ROBO2: variants seen among roughly 807,000 people sequenced by gnomAD.
ROBO2 encodes roundabout guidance receptor 2.
Under a neutral mutation model 160.8 loss-of-function variants are expected in ROBO2, and 53 were observed. The ratio of observed to expected loss-of-function variants is 0.33; its 90% CI spans 0.26 to 0.41. The LOEUF is 0.41. Ranked by LOEUF, ROBO2 falls within the 10% of genes least tolerant of loss-of-function variation. ROBO2 has a pLI of 1.00. For synonymous variants in ROBO2, 664 were observed against 611.7 expected (o/e 1.09, Z -1.26); for missense variants, 1,577 against 1,722.4 (o/e 0.92, Z 1.49).
rs148801882 is a variant in ROBO2, at chr3:76,390,008, G to T, written c.109+452406G>T. ...CTAGAGCTCAAATGTCCCGTGTGAGGTTAGCAAATTTCTGCCAATTGCCAT... is the reference window on the plus strand; with the variant it reads ...CTAGAGCTCAAATGTCCCGTGTGAGTTTAGCAAATTTCTGCCAATTGCCAT... On this transcript the variant is annotated intron_variant, in intron 2 of 26. Coordinates refer to the ROBO2 transcript ENST00000487694. Among the ~76,000 whole-genome samples the T allele has an allele frequency of 2.2e-3, 338 of 152,254 alleles. 1 individual carries two copies. The highest frequency in any genetic ancestry group is 7.9e-3 in the African/African-American group (328 of 41,552).
chr3:77,420,286 T>C (rs2077599003), intron 2 of ROBO2, among the ~76,000 whole-genome samples: 1 of 152,096 alleles, frequency 6.6e-6, no homozygotes, highest in Non-Finnish European at 1.5e-5. Context: ...ATAAATATGT[T>C]TGGAAAAGCC....
chr3:77,369,221 C>T (rs1418467175), intron 2 of ROBO2, among the ~76,000 whole-genome samples: 1 of 152,124 alleles, frequency 6.6e-6, no homozygotes, highest in Non-Finnish European at 1.5e-5. Context: ...CCATCCTGTT[C>T]TTGAACAACC....
At chr3:77,590,436 G>A (rs1385082664) in intron 17 of ROBO2, among the ~76,000 whole-genome samples, 1 of 152,128 alleles carries the variant, frequency 6.6e-6, no homozygotes, top group African/African-American at 2.4e-5. Flanking sequence ...TTCTTGTTAT[G>A]CAGTCCGGTT....
At chr3:76,324,588 G>T (rs1335961228) in intron 2 of ROBO2, among the ~76,000 whole-genome samples, 1 of 152,174 alleles carries the variant, frequency 6.6e-6, no homozygotes, top group Non-Finnish European at 1.5e-5. Flanking sequence ...AATCTGTGTT[G>T]TGTGTAGATT....
intron 2 of ROBO2, among the ~76,000 whole-genome samples, chr3:76,853,643 T>C (rs2069668017): frequency 6.6e-6 from 1 of 152,114 alleles, no homozygotes; most frequent in Non-Finnish European, 1.5e-5. Flanking sequence ...TTTTAAAATA[T>C]AGATGAAGTG....
intron 2 of ROBO2, among the ~76,000 whole-genome samples, chr3:76,639,072 G>A (rs2090492472): frequency 6.6e-6 from 1 of 151,932 alleles, no homozygotes. Context: ...AAAGCCTGAA[G>A]CACTAGTTTA....
intron 17 of ROBO2, among the ~76,000 whole-genome samples, chr3:77,592,880 G>A (rs1367720717): frequency 6.6e-6 from 1 of 152,058 alleles, no homozygotes; most frequent in Admixed American, 6.6e-5. Flanking sequence ...AGGGTTTTCA[G>A]TGTTCTATTA....
At chr3:76,141,177 A>ATATATATATATATATATATG (rs1352311949) in intron 2 of ROBO2, among the ~76,000 whole-genome samples, 9 of 103,224 alleles carry the variant, frequency 8.7e-5, no homozygotes, top group African/African-American at 3.3e-4. Flanking sequence ...ATATATATAT[A>ATATATATATATATATATATG]TATATATATA....
rs776741590 is a variant in ROBO2, at chr3:77,563,159, C to T, written c.1520-8C>T. On this transcript the variant is annotated splice_polypyrimidine_tract_variant and splice_region_variant and intron_variant, in intron 10 of 25. Transcript: ENST00000461745. The stretch of plus-strand genomic sequence containing the variant: ...AGGAATGAAGTTTTTTCTGTCTGTC[C>T]TCTATAGAGTCTGGAGCAACAATCA... The T allele has an allele frequency of 5.0e-6, 8 of 1,612,748 alleles. No individual in the cohort carries two copies. The highest frequency in any genetic ancestry group is 2.2e-5 in the East Asian group (1 of 44,788).
chr3:75,995,018 A>T (rs1156744444), intron 2 of ROBO2, among the ~76,000 whole-genome samples: 1 of 152,214 alleles, frequency 6.6e-6, no homozygotes, highest in Non-Finnish European at 1.5e-5. Context: ...TATCTGGCAG[A>T]AGAAATTTCT....
intron 2 of ROBO2, among the ~76,000 whole-genome samples, chr3:77,376,344 G>T (rs967529432): frequency 6.6e-6 from 1 of 151,628 alleles, no homozygotes. Context: ...TTTTAGTAGA[G>T]ACAGGGTTTC....
intron 2 of ROBO2, among the ~76,000 whole-genome samples, chr3:76,332,359 A>T (rs139702725): frequency 6.6e-6 from 1 of 152,326 alleles, no homozygotes; most frequent in African/African-American, 2.4e-5. Context: ...ACATATGTTC[A>T]TGTATTTTCA....
At chr3:76,085,473 A>T (rs575704480) in intron 2 of ROBO2, among the ~76,000 whole-genome samples, 18 of 152,252 alleles carry the variant, frequency 1.2e-4, no homozygotes, top group African/African-American at 4.1e-4. Context: ...TCTAGCAGGT[A>T]TTTTTTTAAA....
intron 2 of ROBO2, among the ~76,000 whole-genome samples, chr3:76,903,893 G>A (rs2075405588): frequency 1.3e-5 from 2 of 152,038 alleles, no homozygotes; most frequent in South Asian, 4.2e-4. Context: ...GCTCATTACA[G>A]CCACTTGGCA....
At chr3:77,566,395 A>G (rs952809913) in intron 12 of ROBO2, among the ~76,000 whole-genome samples, 3 of 152,124 alleles carry the variant, frequency 2.0e-5, no homozygotes, top group Non-Finnish European at 4.4e-5. Flanking sequence ...GAACCTAGTC[A>G]TATTTTACCT....
chr3:77,216,280 C>G (rs1042368727), intron 2 of ROBO2, among the ~76,000 whole-genome samples: 1 of 152,240 alleles, frequency 6.6e-6, no homozygotes, highest in African/African-American at 2.4e-5. Context: ...CAATGGCGGG[C>G]GCCCCTCCCC....
chr3:77,602,332 C>G (rs762368882), exon 20 of ROBO2: 1 of 1,614,166 alleles, frequency 6.2e-7, no homozygotes, highest in Non-Finnish European at 8.5e-7. Flanking sequence ...CCAAATAACA[C>G]AGGCTACCCC....
At chr3:77,394,256 G>A (rs1156242691) in intron 2 of ROBO2, among the ~76,000 whole-genome samples, 1 of 152,144 alleles carries the variant, frequency 6.6e-6, no homozygotes, top group East Asian at 1.9e-4. Flanking sequence ...ATGCTTTCAT[G>A]TGAAGACCAT....
At chr3:77,302,921 T>C (rs2062784928) in intron 2 of ROBO2, among the ~76,000 whole-genome samples, 1 of 152,182 alleles carries the variant, frequency 6.6e-6, no homozygotes, top group Non-Finnish European at 1.5e-5. Flanking sequence ...CTTTAGGTTG[T>C]ATATAAAATA....
Sources: gnomAD v4.1 joint callset for allele counts (sites outside exome capture counted in the v4.1 genomes callset) on GRCh38, gnomAD v4.1.1 for gene constraint, MANE v1.5 for transcripts, NCBI Gene and HGNC (gene_info 2026-07-23, HGNC 2026-07-21) for gene names.